The following CDIN1 variants were observed in gnomAD, a reference collection of about 807,000 sequenced individuals.
The protein encoded by CDIN1 is CDAN1 interacting nuclease 1.
Under a neutral mutation model 45.3 loss-of-function variants are expected in CDIN1, and 33 were observed. The ratio of observed to expected loss-of-function variants is 0.73; its 90% CI spans 0.55 to 0.97. The LOEUF is 0.97. Ranked by LOEUF, CDIN1 falls within the 50% of genes least tolerant of loss-of-function variation. The pLI, the probability that CDIN1 is intolerant of heterozygous loss-of-function variation, is 0.00. For synonymous variants in CDIN1, 118 were observed against 124.4 expected (o/e 0.95, Z 0.34); for missense variants, 303 against 339.4 (o/e 0.89, Z 0.84).
At chr15:36,753,924 A>G (rs1213884350) in intron 10 of CDIN1, among the ~76,000 whole-genome samples, 2 of 146,208 alleles carry the variant, frequency 1.4e-5, no homozygotes, top group African/African-American at 4.9e-5. Context: ...GAAAATTGGA[A>G]GAAGAGGAGG....
chr15:36,749,233 C>T (rs1293650202), intron 10 of CDIN1, among the ~76,000 whole-genome samples: 1 of 152,128 alleles, frequency 6.6e-6, no homozygotes, highest in Non-Finnish European at 1.5e-5. Flanking sequence ...TATACGATTT[C>T]AAGCAAGCAG....
chr15:36,684,949 G>A (rs543730240), intron 5 of CDIN1, among the ~76,000 whole-genome samples: 13 of 151,388 alleles, frequency 8.6e-5, no homozygotes, highest in East Asian at 5.9e-4. Context: ...TTTTTATTGC[G>A]TCTATTTGAT....
chr15:36,758,192 AT>A (rs2053661005), intron 10 of CDIN1, among the ~76,000 whole-genome samples: 1 of 152,090 alleles, frequency 6.6e-6, no homozygotes, highest in African/African-American at 2.4e-5. Flanking sequence ...GATTGTATCA[AT>A]GTGATACTAA....
intron 1 of CDIN1, among the ~76,000 whole-genome samples, chr15:36,638,139 A>G (rs2039975649): frequency 6.6e-6 from 1 of 152,208 alleles, no homozygotes; most frequent in African/African-American, 2.4e-5. Flanking sequence ...AATGACATGG[A>G]TAAATGTTAG....
At chr15:36,782,608 G>A (rs1315109447) in intron 10 of CDIN1, among the ~76,000 whole-genome samples, 1 of 151,854 alleles carries the variant, frequency 6.6e-6, no homozygotes. Context: ...GTGTAGATAT[G>A]AACTAATGCA....
intron 8 of CDIN1, chr15:36,708,841 CCTTTA>C (rs1485221642): frequency 1.3e-5 from 2 of 157,214 alleles, no homozygotes; most frequent in Non-Finnish European, 2.8e-5. Flanking sequence ...TGTGCTTGCC[CCTTTA>C]CTATAAATTT....
chr15:36,697,837 C>T (rs1031190058), intron 8 of CDIN1, among the ~76,000 whole-genome samples: 5 of 152,190 alleles, frequency 3.3e-5, no homozygotes, highest in African/African-American at 7.2e-5. Flanking sequence ...TCATGCCAAA[C>T]GTTCATTGGC....
intron 1 of CDIN1, among the ~76,000 whole-genome samples, chr15:36,615,384 C>T (rs2038844192): frequency 6.6e-6 from 1 of 152,010 alleles, no homozygotes; most frequent in African/African-American, 2.4e-5. Context: ...CTCTTTGGGG[C>T]TGATTGGGAG....
At chr15:36,595,331 TATAATATAAA>T (rs1470545221) in intron 1 of CDIN1, among the ~76,000 whole-genome samples, 23 of 131,572 alleles carry the variant, frequency 1.7e-4, no homozygotes, top group African/African-American at 5.1e-4. Flanking sequence ...TATAATATAA[TATAATATAAA>T]ATAATATGAT....
intron 1 of CDIN1, chr15:36,618,149 G>T: frequency 2.8e-6 from 2 of 710,378 alleles, no homozygotes; most frequent in Admixed American, 2.0e-5. Context: ...TAATTCACCA[G>T]GATCTTATAA....
intron 1 of CDIN1, among the ~76,000 whole-genome samples, chr15:36,620,148 G>A (rs2039105583): frequency 6.6e-6 from 1 of 152,140 alleles, no homozygotes; most frequent in East Asian, 1.9e-4. Context: ...TCAGGAGATC[G>A]AGACCATCCT....
At chr15:36,774,871 G>A (rs1255636801) in intron 10 of CDIN1, among the ~76,000 whole-genome samples, 2 of 152,156 alleles carry the variant, frequency 1.3e-5, no homozygotes, top group African/African-American at 4.8e-5. Flanking sequence ...GGGTTAAACT[G>A]TCAGCTTGAC....
At chr15:36,721,610 A>G (rs1595518709) in intron 10 of CDIN1, among the ~76,000 whole-genome samples, 1 of 152,152 alleles carries the variant, frequency 6.6e-6, no homozygotes, top group East Asian at 1.9e-4. Context: ...TTTTCTATGT[A>G]CACTTGAAAC....
At position 36,657,892 on chromosome 15, in the gene CDIN1, C is replaced by T. The variant is rs745835771; in HGVS notation, c.333C>T (p.His111=). Reference sequence around the variant, plus strand: ...TACTGGAGAGGTTTCTACAGGAACACGAGGAAACTCCACGTGAGTTACCCT... The same window carrying T: ...TACTGGAGAGGTTTCTACAGGAACATGAGGAAACTCCACGTGAGTTACCCT... ...RLILERFLQE[H]EETPPSKSII... is the part of the protein sequence containing the mutation. Residue 111 remains histidine (H), a synonymous_variant, in exon 5 of 11, where the codon CAC becomes CAT. Transcript: ENST00000566621. 61 of 1,611,232 alleles carry T rather than the reference C, an allele frequency of 3.8e-5. No homozygotes were observed. The Middle Eastern group carries it at 4.9e-4, about 13-fold the overall frequency.
chr15:36,618,199 A>G (rs1214564230), intron 1 of CDIN1: 7 of 680,454 alleles, frequency 1.0e-5, no homozygotes, highest in African/African-American at 1.8e-5. Flanking sequence ...GACCATTCCA[A>G]AAAAAAACCT....
At chr15:36,621,871 A>AGTTTTTTTT (rs2039209766) in intron 1 of CDIN1, among the ~76,000 whole-genome samples, 1 of 107,084 alleles carries the variant, frequency 9.3e-6, no homozygotes, top group Non-Finnish European at 2.0e-5. Flanking sequence ...CAACAAGTTC[A>AGTTTTTTTT]GTTTTTTTTT....
intron 10 of CDIN1, among the ~76,000 whole-genome samples, chr15:36,800,602 G>A (rs545749364): frequency 1.1e-4 from 16 of 152,032 alleles, no homozygotes; most frequent in East Asian, 9.7e-4. Context: ...TCTACAACAC[G>A]TAGATTAAAA....
At chr15:36,655,534 C>T (rs904444939) in intron 4 of CDIN1, among the ~76,000 whole-genome samples, 1 of 152,036 alleles carries the variant, frequency 6.6e-6, no homozygotes, top group Admixed American at 6.5e-5. Flanking sequence ...ATCATGTTGG[C>T]CAGGATGGTC....
In CDIN1 at chr15:36,808,989, C is replaced by G. The variant is rs2055320690; in HGVS notation, c.*536C>G. On this transcript the variant is annotated 3_prime_UTR_variant, in exon 11 of 11. Coordinates refer to ENST00000566621, the MANE Select transcript of CDIN1 (RefSeq NM_001321759.2). ...CACAAAGTCCAAAGCCACCTTTGTA[C>G]TCACCTGCAGAGCTCCAGAAGACCT... The G allele has an allele frequency of 2.2e-6, 1 of 455,828 alleles. No homozygotes were observed. Among genetic ancestry groups the G allele is most frequent in the Non-Finnish European group, 4.4e-6 (1 of 226,744 alleles). 28.2% of individuals were successfully genotyped at this position (455,828 alleles called of 1,614,324 possible).
Sources: gnomAD v4.1 joint callset for allele counts (sites outside exome capture counted in the v4.1 genomes callset) on GRCh38, gnomAD v4.1.1 for gene constraint, MANE v1.5 for transcripts, NCBI Gene and HGNC (gene_info 2026-07-23, HGNC 2026-07-21) for gene names.